The following CNTNAP2 variants were observed in gnomAD, a reference collection of about 807,000 sequenced individuals.
CNTNAP2 encodes the protein contactin-associated protein-like 2.
CNTNAP2 carries 98 observed loss-of-function variants against 155.2 expected under a neutral mutation model. That is an observed-to-expected ratio of 0.63 (90% CI 0.54 to 0.75). The LOEUF (loss-of-function observed/expected upper bound fraction) is 0.75. Ranked by LOEUF, CNTNAP2 falls within the 30% of genes least tolerant of loss-of-function variation. The pLI, the probability that CNTNAP2 is intolerant of heterozygous loss-of-function variation, is 0.00. For missense variants in CNTNAP2, 1,727 were observed against 1,688.1 expected (o/e 1.02, Z -0.40); for synonymous variants, 651 against 631.2 (o/e 1.03, Z -0.47).
intron 3 of CNTNAP2, among the ~76,000 whole-genome samples, chr7:146,906,116 C>G (rs565835411): frequency 6.6e-6 from 1 of 152,216 alleles, no homozygotes; most frequent in Admixed American, 6.5e-5. Flanking sequence ...CGGCGCACCA[C>G]GGGACTATAT....
chr7:148,164,588 A>C (rs1585161336), intron 17 of CNTNAP2, among the ~76,000 whole-genome samples: 1 of 142,338 alleles, frequency 7.0e-6, no homozygotes, highest in African/African-American at 2.6e-5. Context: ...ACCCATCCTA[A>C]CTCTGTGCTT....
intron 17 of CNTNAP2, among the ~76,000 whole-genome samples, chr7:148,152,263 A>G (rs1805310165): frequency 6.6e-6 from 1 of 151,902 alleles, no homozygotes; most frequent in Non-Finnish European, 1.5e-5. Flanking sequence ...CTCAGAGGCT[A>G]GGGTTTTTAA....
chr7:147,558,850 C>T (rs1286805170), intron 11 of CNTNAP2, among the ~76,000 whole-genome samples: 1 of 152,084 alleles, frequency 6.6e-6, no homozygotes, highest in Non-Finnish European at 1.5e-5. Flanking sequence ...TCAAGCGATT[C>T]TCCTGCCTTA....
chr7:147,091,106 G>A (rs982181264), intron 4 of CNTNAP2, among the ~76,000 whole-genome samples: 1 of 152,000 alleles, frequency 6.6e-6, no homozygotes, highest in South Asian at 2.1e-4. Flanking sequence ...TGAATCAATA[G>A]CATCATGAAC....
intron 1 of CNTNAP2, among the ~76,000 whole-genome samples, chr7:146,585,778 G>A (rs1454142073): frequency 1.3e-5 from 2 of 150,676 alleles, no homozygotes; most frequent in Admixed American, 6.6e-5. Flanking sequence ...AGAAAGAAAG[G>A]GAAAGAAGGG....
intron 1 of CNTNAP2, among the ~76,000 whole-genome samples, chr7:146,543,728 T>C (rs976225967): frequency 3.3e-5 from 5 of 151,952 alleles, no homozygotes; most frequent in Non-Finnish European, 7.4e-5. Flanking sequence ...CATCAACATG[T>C]TGATAAGTAG....
intron 9 of CNTNAP2, among the ~76,000 whole-genome samples, chr7:147,337,182 G>C (rs1176961715): frequency 6.6e-6 from 1 of 152,088 alleles, no homozygotes; most frequent in African/African-American, 2.4e-5. Flanking sequence ...CTCACAGATA[G>C]GTAGCAAAAG....
At chr7:148,238,292 T>A (rs1344062619) in intron 20 of CNTNAP2, among the ~76,000 whole-genome samples, 1 of 152,128 alleles carries the variant, frequency 6.6e-6, no homozygotes, top group Non-Finnish European at 1.5e-5. Context: ...GAGGTTGCAG[T>A]GAGCTGAGAT....
At chr7:146,934,965 C>T (rs1034697479) in intron 3 of CNTNAP2, among the ~76,000 whole-genome samples, 1 of 152,184 alleles carries the variant, frequency 6.6e-6, no homozygotes, top group Non-Finnish European at 1.5e-5. Flanking sequence ...AATGTATAGA[C>T]TAAATAGTCC....
At position 147,841,447 on chromosome 7, in the gene CNTNAP2, G is replaced by A. The variant is rs959241058; in HGVS notation, c.2099-62118G>A. Among the ~76,000 whole-genome samples, 5 of 152,116 alleles carry A rather than the reference G, an allele frequency of 3.3e-5. 1 individual carries two copies. The highest frequency in any genetic ancestry group is 3.3e-4 in the Admixed American group (5 of 15,260). ...CCTGTGAGGGAAAGACCGAGACTGA[G>A]ATCTCAGTCATAAAGAGACTCCCCA... On this transcript the variant is annotated intron_variant, in intron 13 of 23. Coordinates refer to ENST00000361727, the MANE Select transcript of CNTNAP2 (RefSeq NM_014141.6).
At chr7:146,405,785 G>A (rs1377325378) in intron 1 of CNTNAP2, among the ~76,000 whole-genome samples, 2 of 152,100 alleles carry the variant, frequency 1.3e-5, no homozygotes, top group Admixed American at 1.3e-4. Flanking sequence ...TTAGCTATAA[G>A]ATATACAAAT....
At chr7:147,822,440 G>A (rs983715309) in intron 13 of CNTNAP2, among the ~76,000 whole-genome samples, 3 of 152,078 alleles carry the variant, frequency 2.0e-5, no homozygotes, top group African/African-American at 7.2e-5. Flanking sequence ...AATCCAAAAA[G>A]AGTCTATTTT....
chr7:147,567,070 G>A (rs777892362), intron 12 of CNTNAP2, among the ~76,000 whole-genome samples: 14 of 152,128 alleles, frequency 9.2e-5, no homozygotes, highest in Non-Finnish European at 1.8e-4. Context: ...ACTAGAATGC[G>A]GGGAACATGG....
chr7:148,093,729 A>G (rs983989421), intron 15 of CNTNAP2, among the ~76,000 whole-genome samples: 2 of 152,174 alleles, frequency 1.3e-5, no homozygotes, highest in Non-Finnish European at 2.9e-5. Flanking sequence ...ATAGAAAATT[A>G]TTTTAAATGT....
chr7:147,904,867 A>C (rs1563130298), intron 14 of CNTNAP2, among the ~76,000 whole-genome samples: 1 of 150,668 alleles, frequency 6.6e-6, no homozygotes, highest in Non-Finnish European at 1.5e-5. Context: ...AGATCATGAT[A>C]ATTTTTAATT....
chr7:147,715,116 T>C (rs568469795), intron 13 of CNTNAP2, among the ~76,000 whole-genome samples: 1 of 152,270 alleles, frequency 6.6e-6, no homozygotes, highest in South Asian at 2.1e-4. Context: ...TTTTGGACTA[T>C]TAATAAAACT....
intron 13 of CNTNAP2, among the ~76,000 whole-genome samples, chr7:147,754,123 GC>G (rs1797180251): frequency 6.6e-6 from 1 of 152,134 alleles, no homozygotes; most frequent in Non-Finnish European, 1.5e-5. Flanking sequence ...AGAGGCTCCT[GC>G]AGACACAGGA....
At chr7:146,775,032 A>G (rs934700605) in intron 2 of CNTNAP2, among the ~76,000 whole-genome samples, 26 of 152,224 alleles carry the variant, frequency 1.7e-4, no homozygotes, top group African/African-American at 5.8e-4. Flanking sequence ...ACTGGTACAA[A>G]CATCAGTGAA....
At chr7:146,419,453 T>C (rs1795981260) in intron 1 of CNTNAP2, among the ~76,000 whole-genome samples, 1 of 152,104 alleles carries the variant, frequency 6.6e-6, no homozygotes, top group Admixed American at 6.6e-5. Context: ...CAGTTTGTGG[T>C]ACTTCTTTAT....
Sources: allele counts gnomAD v4.1 joint callset (sites outside exome capture counted in the v4.1 genomes callset), GRCh38; gene constraint gnomAD v4.1.1; transcripts MANE v1.5; gene names NCBI Gene and HGNC (gene_info 2026-07-23, HGNC 2026-07-21).